The following SNX29 variants were observed in gnomAD, a reference collection of about 807,000 sequenced individuals.
The protein encoded by SNX29 is sorting nexin 29, also known as sorting nexin-29.
In SNX29, 78 loss-of-function variants were observed where a neutral mutation model predicts 102.1. The ratio of observed to expected loss-of-function variants is 0.76; its 90% CI spans 0.64 to 0.92. SNX29 has a LOEUF of 0.92. Among genes scored for constraint, SNX29 ranks in the 40% least tolerant of loss-of-function variants. The pLI is 0.00. For synonymous variants in SNX29, 580 were observed against 414.5 expected, an observed-to-expected ratio of 1.40 and a Z score of -4.85; for missense variants, 1,280 against 1,061.7, an observed-to-expected ratio of 1.21 and a Z score of -2.86.
rs186270338 is a variant in SNX29, at chr16:12,169,494, G to T, written c.1596-30107G>T. ...TGGTCCTTTGCCGCCTACTGCCTTG[G>T]TGAAGTGGCTTTGTCTTCGGGCAAG... On this transcript the variant is annotated intron_variant, in intron 13 of 20. Transcript: ENST00000566228. Among the ~76,000 whole-genome samples the T allele has an allele frequency of 1.6e-3, 241 of 152,272 alleles. 1 individual carries two copies. The highest frequency in any genetic ancestry group is 0.014 in the Middle Eastern group (4 of 294).
intron 20 of SNX29, among the ~76,000 whole-genome samples, chr16:12,564,737 C>A (rs967585532): frequency 2.6e-5 from 4 of 151,928 alleles, no homozygotes; most frequent in Non-Finnish European, 4.4e-5. Context: ...TGCAGTTGTG[C>A]CTAACAACTG....
chr16:12,325,147 G>T (rs182240875), intron 15 of SNX29, among the ~76,000 whole-genome samples: 1 of 152,088 alleles, frequency 6.6e-6, no homozygotes, highest in Non-Finnish European at 1.5e-5. Flanking sequence ...ACTTCTGCAG[G>T]CCCCTCCCTA....
intron 13 of SNX29, chr16:12,135,498 T>G: frequency 7.6e-7 from 1 of 1,315,726 alleles, no homozygotes; most frequent in South Asian, 1.2e-5. Context: ...AGCCAGTTAC[T>G]GCATTCTTGA....
chr16:12,026,352 C>T (rs561911770), intron 3 of SNX29, among the ~76,000 whole-genome samples: 1 of 152,328 alleles, frequency 6.6e-6, no homozygotes, highest in South Asian at 2.1e-4. Context: ...TTGCTAGAAA[C>T]ATGCACATGA....
At chr16:12,375,957 C>G (rs963742407) in intron 16 of SNX29, 1 of 133,256 alleles carries the variant, frequency 7.5e-6, no homozygotes, top group African/African-American at 2.9e-5. Flanking sequence ...CACTTGAGCC[C>G]GGGAGGCGGA....
At chr16:12,399,290 G>C (rs987388268) in intron 17 of SNX29, among the ~76,000 whole-genome samples, 16 of 152,192 alleles carry the variant, frequency 1.1e-4, no homozygotes, top group African/African-American at 3.6e-4. Flanking sequence ...GACCTCAGGT[G>C]ATCCACCCAC....
In SNX29 at chr16:12,075,210, A is replaced by G. The variant is rs2051493923; in HGVS notation, c.1320-3623A>G. Among the ~76,000 whole-genome samples the G allele has an allele frequency of 3.9e-5, 6 of 152,172 alleles. No individual in the cohort carries two copies. In the South Asian group the frequency reaches 1.2e-3, roughly 32 times the overall value. On this transcript the variant is annotated intron_variant, in intron 10 of 20. Transcript: ENST00000566228. ...AGCTTTGTTCCGTTGCTGGTGAGGA[A>G]CCGTGTTCCTTTGGAGGAGGAGAGG...
In SNX29 at chr16:12,569,358, T is replaced by G. The variant is rs1439564568; in HGVS notation, c.*729T>G. 8.7e-6 allele frequency: 2 copies of G among 230,056 alleles called. No individual in the cohort carries two copies. The highest frequency in any genetic ancestry group is 4.4e-5 in the African/African-American group (2 of 45,136). The allele number at this position is 230,056 out of a possible 1,614,324, so 14.3% of individuals were successfully genotyped here. A position where few individuals can be genotyped will look rare whatever the true frequency, so the allele number is the denominator to read the frequency against. ...GAGGCCACCTAGGCCCTCGCCAGGC[T>G]TGGAGTGGGGGGACTCAGACATCTG... On this transcript the variant is annotated 3_prime_UTR_variant, in exon 21 of 21. Transcript: ENST00000566228.
chr16:12,296,864 G>A (rs2079998520), intron 15 of SNX29, among the ~76,000 whole-genome samples: 1 of 152,242 alleles, frequency 6.6e-6, no homozygotes, highest in African/African-American at 2.4e-5. Context: ...CTTGCTCTAT[G>A]CCAGGGTTCT....
chr16:12,241,064 T>C (rs141903324), intron 14 of SNX29, among the ~76,000 whole-genome samples: 1 of 152,360 alleles, frequency 6.6e-6, no homozygotes, highest in Non-Finnish European at 1.5e-5. Context: ...AACAAGTTTC[T>C]GCTTGCTTTT....
chr16:12,408,157 C>CAAAAAAAAAAAAAAAA (rs1555530421), intron 18 of SNX29, among the ~76,000 whole-genome samples: 3 of 142,998 alleles, frequency 2.1e-5, no homozygotes, highest in Admixed American at 6.8e-5. Flanking sequence ...GGACCCTTCT[C>CAAAAAAAAAAAAAAAA]AAAAAAACAA....
In SNX29 at chr16:12,572,124, C is replaced by A; in HGVS notation, c.*3495C>A. The A allele has an allele frequency of 3.9e-6, 4 of 1,031,030 alleles. No individual in the cohort carries two copies. Among genetic ancestry groups the A allele is most frequent in the Non-Finnish European group, 4.7e-6 (4 of 848,584 alleles). 63.9% of individuals were successfully genotyped at this position (1,031,030 alleles called of 1,614,324 possible). On this transcript the variant is annotated 3_prime_UTR_variant, in exon 21 of 21. Coordinates refer to ENST00000566228, the MANE Select transcript of SNX29 (RefSeq NM_032167.5). ...ACTGGGTCTGATCACAGCCCTTGGCCCTGCTTCATACTTTGGAGCTTATTA... is the reference window on the plus strand; with the variant it reads ...ACTGGGTCTGATCACAGCCCTTGGCACTGCTTCATACTTTGGAGCTTATTA...
At chr16:12,012,227 G>T (rs1312507514) in intron 3 of SNX29, among the ~76,000 whole-genome samples, 1 of 152,108 alleles carries the variant, frequency 6.6e-6, no homozygotes, top group East Asian at 1.9e-4. Flanking sequence ...GGTCAAATAG[G>T]TGGGATAGGA....
intron 15 of SNX29, among the ~76,000 whole-genome samples, chr16:12,328,317 A>G (rs2081185601): frequency 6.6e-6 from 1 of 152,208 alleles, no homozygotes; most frequent in Non-Finnish European, 1.5e-5. Flanking sequence ...TAGATTATTT[A>G]TTGTAGCAAC....
intron 20 of SNX29, among the ~76,000 whole-genome samples, chr16:12,559,493 A>G (rs1040217492): frequency 6.6e-6 from 1 of 151,950 alleles, no homozygotes; most frequent in African/African-American, 2.4e-5. Flanking sequence ...TAGTAATAAT[A>G]GAATGTACAA....
intron 13 of SNX29, among the ~76,000 whole-genome samples, chr16:12,152,289 C>G (rs2055335311): frequency 6.6e-6 from 1 of 152,106 alleles, no homozygotes; most frequent in South Asian, 2.1e-4. Flanking sequence ...TTCTGTGATA[C>G]TTTTCTGTTA....
chr16:12,187,272 T>C (rs1183124073), intron 13 of SNX29, among the ~76,000 whole-genome samples: 1 of 152,230 alleles, frequency 6.6e-6, no homozygotes, highest in East Asian at 1.9e-4. Flanking sequence ...GAAAGATATG[T>C]TATAGAGCTG....
intron 18 of SNX29, among the ~76,000 whole-genome samples, chr16:12,472,006 C>A (rs1184969217): frequency 6.6e-6 from 1 of 152,240 alleles, no homozygotes; most frequent in Admixed American, 6.5e-5. Flanking sequence ...TTCATAGTTG[C>A]TTTATTCATG....
intron 16 of SNX29, among the ~76,000 whole-genome samples, chr16:12,376,471 C>T (rs918940258): frequency 2.0e-5 from 3 of 152,080 alleles, no homozygotes; most frequent in African/African-American, 7.2e-5. Flanking sequence ...CATGGTGGCT[C>T]ATACCTGTAA....
Sources: allele counts gnomAD v4.1 joint callset (sites outside exome capture counted in the v4.1 genomes callset), GRCh38; gene constraint gnomAD v4.1.1; transcripts MANE v1.5; gene names NCBI Gene and HGNC (gene_info 2026-07-23, HGNC 2026-07-21).